The following H1-0 variants were observed in gnomAD, a reference collection of about 807,000 sequenced individuals.
H1-0 encodes histone H1.0.
In H1-0, 5 loss-of-function variants were observed where a neutral mutation model predicts 8.8. That is an observed-to-expected ratio of 0.57 (90% confidence interval 0.30 to 1.19). The LOEUF (loss-of-function observed/expected upper bound fraction) is 1.19, where lower values mean the gene tolerates loss of function less well. H1-0 is among the 50% of genes most tolerant of loss of function. The pLI is 0.08. For missense variants in H1-0, 231 were observed against 242.0 expected (o/e 0.95, Z 0.30); for synonymous variants, 143 against 101.4 (o/e 1.41, Z -2.46).
In H1-0 at chr22:37,806,207, A is replaced by C. The variant is rs1920991946; in HGVS notation, c.*78A>C. 9.0e-7 allele frequency: 1 copy of C among 1,114,814 alleles called. No individual in the cohort carries two copies. The highest frequency in any genetic ancestry group is 2.6e-5 in the Admixed American group (1 of 37,984). 69.1% of individuals were successfully genotyped at this position (1,114,814 alleles called of 1,614,324 possible). A position where few individuals can be genotyped will look rare whatever the true frequency, so the allele number is the denominator to read the frequency against. The stretch of plus-strand genomic sequence containing the variant: ...TAATTTTCTCCTTTTTTCTCTCTTG[A>C]TGCTCACCACCACCTTTTGCCCCCT... On this transcript the variant is annotated 3_prime_UTR_variant, in exon 1 of 1. Coordinates refer to ENST00000340857, the MANE Select transcript of H1-0 (RefSeq NM_005318.4).
rs761095181 is a variant in H1-0, at chr22:37,806,035, A to G, written c.491A>G (p.Lys164Arg). ...PKKAKKPKTV[K>R]AKPVKASKPK... is the part of the protein sequence containing the mutation. ...AAAGCCAAAAAACCCAAGACTGTCA[A>G]AGCCAAGCCGGTCAAGGCATCCAAG... The change falls in exon 1 of 1, where the codon AAA becomes AGA. Residue 164 changes from lysine to arginine, a missense_variant. Coordinates refer to ENST00000340857, the MANE Select transcript of H1-0 (RefSeq NM_005318.4). 11 of 1,614,016 alleles carry G rather than the reference A, an allele frequency of 6.8e-6. No individual in the cohort carries two copies. Among genetic ancestry groups the G allele is most frequent in the Non-Finnish European group, 9.3e-6 (11 of 1,180,020 alleles).
In H1-0 at chr22:37,806,314, A is replaced by AGGACAGCAACAACCAATCTAATGAT. The variant is rs1920995046; in HGVS notation, c.*187_*211dup. On this transcript the variant is annotated 3_prime_UTR_variant, in exon 1 of 1. Coordinates refer to ENST00000340857, the MANE Select transcript of H1-0 (RefSeq NM_005318.4). ...TCATTTTTCCTTAACCAGTTGTGCAAGGACAGCAACAACCAATCTAATGAT... is the reference window on the plus strand; with the variant it reads ...TCATTTTTCCTTAACCAGTTGTGCAAGGACAGCAACAACCAATCTAATGATGGACAGCAACAACCAATCTAATGAT... 3.3e-6 allele frequency: 2 copies of AGGACAGCAACAACCAATCTAATGAT among 613,396 alleles called. No individual in the cohort carries two copies. The highest frequency in any genetic ancestry group is 3.7e-5 in the African/African-American group (2 of 53,896). The allele number at this position is 613,396 out of a possible 1,614,324, so 38.0% of individuals were successfully genotyped here.
In H1-0 at chr22:37,806,380, C is replaced by G; in HGVS notation, c.*251C>G. The G allele has an allele frequency of 2.2e-6, 1 of 456,936 alleles. No individual in the cohort carries two copies. The allele number at this position is 456,936 out of a possible 1,614,324, so 28.3% of individuals were successfully genotyped here. On this transcript the variant is annotated 3_prime_UTR_variant, in exon 1 of 1. Transcript: ENST00000340857. ...TTTTGTTTTGCTATTAACCTACTTACGGGGTTAGGGATTTGCGGGGGGGGC... is the reference window on the plus strand; with the variant it reads ...TTTTGTTTTGCTATTAACCTACTTAGGGGGTTAGGGATTTGCGGGGGGGGC...
rs1894644 is a variant in H1-0, at chr22:37,806,545, T to C, written c.*416T>C. 0.85 allele frequency: 158,025 copies of C among 185,196 alleles called. 67,815 individuals are homozygous for C. The highest frequency in any genetic ancestry group is 0.99 in the East Asian group (5,806 of 5,842). The allele number at this position is 185,196 out of a possible 1,614,324, so 11.5% of individuals were successfully genotyped here. ...ATATCTTTAGGGTGAGTGAGTTTTC[T>C]TTGAGTTGGGCACCCGTTGTGAGAG... On this transcript the variant is annotated 3_prime_UTR_variant, in exon 1 of 1. Coordinates refer to ENST00000340857, the MANE Select transcript of H1-0 (RefSeq NM_005318.4).
chr22:37,806,259 A>G lies in H1-0; in HGVS notation c.*130A>G, dbSNP rs898541286. On this transcript the variant is annotated 3_prime_UTR_variant, in exon 1 of 1. Coordinates refer to ENST00000340857, the MANE Select transcript of H1-0 (RefSeq NM_005318.4). ...CTGTTCTGACTTTATAAGAGACAGG[A>G]TTTGGATTCTTCAGAAATTACAGAA... 5.7e-6 allele frequency: 4 copies of G among 703,990 alleles called. No homozygotes were observed. In the Admixed American group the frequency reaches 1.2e-4, roughly 21 times the overall value. The allele number at this position is 703,990 out of a possible 1,614,324, so 43.6% of individuals were successfully genotyped here. A position where few individuals can be genotyped will look rare whatever the true frequency, so the allele number is the denominator to read the frequency against.
chr22:37,806,086 C>G lies in H1-0; in HGVS notation c.542C>G (p.Pro181Arg). Residue 181 changes from proline to arginine, a missense_variant, in exon 1 of 1, where the codon CCC (proline) becomes CGC (arginine). Transcript: ENST00000340857. ...SKPKKAKPVK[P>R]KAKSSAKRAG... ...CCCAAAAAGGCCAAACCAGTGAAAC[C>G]CAAAGCAAAGTCCAGTGCCAAGAGG... 6.2e-7 allele frequency: 1 copy of G among 1,613,880 alleles called. No homozygotes were observed.
chr22:37,806,133 TGAA>T lies in H1-0; in HGVS notation c.*6_*8del. The T allele has an allele frequency of 6.3e-7, 1 of 1,597,792 alleles. No homozygotes were observed. Among genetic ancestry groups the T allele is most frequent in the African/African-American group, 1.4e-5 (1 of 73,992 alleles). On this transcript the variant is annotated 3_prime_UTR_variant, in exon 1 of 1. Transcript: ENST00000340857. ...GAGGGCCGGCAAGAAGAAGTGACAA[TGAA>T]GTCTTTTCTTGCGGACACTCCCTCC...
chr22:37,806,402 G>A lies in H1-0; in HGVS notation c.*273G>A, dbSNP rs564670907. 2.3e-6 allele frequency: 1 copy of A among 435,262 alleles called. No homozygotes were observed. 27.0% of individuals were successfully genotyped at this position (435,262 alleles called of 1,614,324 possible). ...TTACGGGGTTAGGGATTTGCGGGGG[G>A]GGCTTGTGTGTTTTGTTGGCTTGTT... On this transcript the variant is annotated 3_prime_UTR_variant, in exon 1 of 1. Transcript: ENST00000340857.
In H1-0 at chr22:37,805,416, G is replaced by GT. The variant is rs1478440550; in HGVS notation, c.-129_-128insT. On this transcript the variant is annotated 5_prime_UTR_variant, in exon 1 of 1. Coordinates refer to ENST00000340857, the MANE Select transcript of H1-0 (RefSeq NM_005318.4). The stretch of plus-strand genomic sequence containing the variant: ...CAGCGACTCCTCGCTCGCATCCCCG[G>GT]GAGCCGCACTCCAGACTGGCCCGGT... 2.2e-5 allele frequency: 14 copies of GT among 642,696 alleles called. No individual in the cohort carries two copies. Among genetic ancestry groups the GT allele is most frequent in the Non-Finnish European group, 3.7e-5 (14 of 376,976 alleles). The allele number at this position is 642,696 out of a possible 1,614,324, so 39.8% of individuals were successfully genotyped here.
Position 37,806,386 on chromosome 22 carries a change from T to C in H1-0, c.*257T>C, listed in dbSNP as rs1920996719. ...TTTGCTATTAACCTACTTACGGGGT[T>C]AGGGATTTGCGGGGGGGGCTTGTGT... is the stretch of plus-strand genomic sequence containing the variant. On this transcript the variant is annotated 3_prime_UTR_variant, in exon 1 of 1. Coordinates refer to ENST00000340857, the MANE Select transcript of H1-0 (RefSeq NM_005318.4). 2.3e-6 allele frequency: 1 copy of C among 439,758 alleles called. No individual in the cohort carries two copies. Among genetic ancestry groups the C allele is most frequent in the South Asian group, 2.9e-5 (1 of 34,410 alleles). 27.2% of individuals were successfully genotyped at this position (439,758 alleles called of 1,614,324 possible). A position where few individuals can be genotyped will look rare whatever the true frequency, so the allele number is the denominator to read the frequency against.
chr22:37,806,321 C>T lies in H1-0; in HGVS notation c.*192C>T. The T allele has an allele frequency of 1.7e-6, 1 of 604,286 alleles. No homozygotes were observed. The highest frequency in any genetic ancestry group is 2.2e-5 in the South Asian group (1 of 45,522). The allele number at this position is 604,286 out of a possible 1,614,324, so 37.4% of individuals were successfully genotyped here. A position where few individuals can be genotyped will look rare whatever the true frequency, so the allele number is the denominator to read the frequency against. ...TCCTTAACCAGTTGTGCAAGGACAG[C>T]AACAACCAATCTAATGATGAGAATG... On this transcript the variant is annotated 3_prime_UTR_variant, in exon 1 of 1. Coordinates refer to ENST00000340857, the MANE Select transcript of H1-0 (RefSeq NM_005318.4).
Position 37,805,667 on chromosome 22 carries a change from C to A in H1-0, c.123C>A (p.Asn41Lys). The A allele has an allele frequency of 6.2e-7, 1 of 1,614,114 alleles. No individual in the cohort carries two copies. Among genetic ancestry groups the A allele is most frequent in the Non-Finnish European group, 8.5e-7 (1 of 1,179,982 alleles). ...MIVAAIQAEK[N>K]RAGSSRQSIQ... ...TGGCTGCCATCCAGGCCGAGAAGAA[C>A]CGCGCTGGCTCCTCGCGCCAGTCCA... Residue 41 changes from asparagine to lysine, a missense_variant, in exon 1 of 1, where the codon AAC becomes AAA. Asn to Lys is a moderately conservative substitution (Grantham distance 94). Transcript: ENST00000340857.
At position 37,805,271 on chromosome 22, in the gene H1-0, GAGGC is replaced by G. The variant is rs1920974310; in HGVS notation, c.-271_-268del. On this transcript the variant is annotated 5_prime_UTR_variant, in exon 1 of 1. Coordinates refer to ENST00000340857, the MANE Select transcript of H1-0 (RefSeq NM_005318.4). ...AAGGGAGGCAGAGGAGGCGGAGGCA[GAGGC>G]AGAGGCAGAGGCAGAGCCCGAGCCC... 2 of 314,518 alleles carry G rather than the reference GAGGC, an allele frequency of 6.4e-6. No homozygotes were observed. The highest frequency in any genetic ancestry group is 1.0e-5 in the Non-Finnish European group (2 of 192,172). 19.5% of individuals were successfully genotyped at this position (314,518 alleles called of 1,614,324 possible). A position where few individuals can be genotyped will look rare whatever the true frequency, so the allele number is the denominator to read the frequency against.
Position 37,805,947 on chromosome 22 carries a change from A to G in H1-0, c.403A>G (p.Thr135Ala), listed in dbSNP as rs568889356. ...KPKKAASKAP[T>A]KKPKATPVKK... ...CAAGAAGGCTGCCTCCAAAGCCCCA[A>G]CCAAGAAACCCAAAGCCACCCCGGT... Residue 135 changes from threonine (T) to alanine (A), a missense_variant, in exon 1 of 1, where the codon ACC (threonine) becomes GCC (alanine). Physicochemically the swap from Thr to Ala is moderately conservative, Grantham distance 58. Coordinates refer to ENST00000340857, the MANE Select transcript of H1-0 (RefSeq NM_005318.4). 126 of 1,614,102 alleles carry G rather than the reference A, an allele frequency of 7.8e-5. 1 individual carries two copies. In the South Asian group the frequency reaches 1.2e-3, roughly 15 times the overall value.
chr22:37,805,309 G>A lies in H1-0; in HGVS notation c.-236G>A, dbSNP rs1444149892. On this transcript the variant is annotated 5_prime_UTR_variant, in exon 1 of 1. Transcript: ENST00000340857. ...AGGCAGAGCCCGAGCCCGGTGCCGA[G>A]ACCAAGCGACAGACCGGCGGGGCTG... 9.5e-6 allele frequency: 5 copies of A among 524,986 alleles called. No individual in the cohort carries two copies. Among genetic ancestry groups the A allele is most frequent in the Admixed American group, 7.1e-5 (2 of 28,092 alleles). The allele number at this position is 524,986 out of a possible 1,614,324, so 32.5% of individuals were successfully genotyped here.
rs1014745692 is a variant in H1-0, at chr22:37,805,740, T to C, written c.196T>C (p.Ser66Pro). Reference sequence around the variant, plus strand: ...CTACAAGGTGGGTGAGAACGCTGACTCGCAGATCAAGTTGTCCATCAAGCG... The same window carrying C: ...CTACAAGGTGGGTGAGAACGCTGACCCGCAGATCAAGTTGTCCATCAAGCG... ...SHYKVGENAD[S>P]QIKLSIKRLV... Residue 66 changes from serine to proline, a missense_variant, in exon 1 of 1, where the codon TCG (serine) becomes CCG (proline). Physicochemically the swap from Ser to Pro is moderately conservative, Grantham distance 74. Transcript: ENST00000340857. The C allele has an allele frequency of 6.2e-7, 1 of 1,614,058 alleles. No homozygotes were observed. Among genetic ancestry groups the C allele is most frequent in the Non-Finnish European group, 8.5e-7 (1 of 1,180,014 alleles).
chr22:37,807,221 T>C lies in H1-0; in HGVS notation c.*1092T>C, dbSNP rs1203707957. The C allele has an allele frequency of 1.8e-5, 3 of 167,068 alleles. No homozygotes were observed. The highest frequency in any genetic ancestry group is 2.4e-5 in the African/African-American group (1 of 41,434). 10.3% of individuals were successfully genotyped at this position (167,068 alleles called of 1,614,324 possible). ...GTGCATGTGTGTGTTTGTGTATATA[T>C]ACATATCTAGGGCTAGTACTTAGTT... On this transcript the variant is annotated 3_prime_UTR_variant, in exon 1 of 1. Coordinates refer to ENST00000340857, the MANE Select transcript of H1-0 (RefSeq NM_005318.4).
rs542531405 is a variant in H1-0, at chr22:37,805,658, C to G, written c.114C>G (p.Ala38=). The G allele has an allele frequency of 6.2e-7, 1 of 1,613,912 alleles. No individual in the cohort carries two copies. Among genetic ancestry groups the G allele is most frequent in the Non-Finnish European group, 8.5e-7 (1 of 1,179,956 alleles). Reference sequence around the variant, plus strand: ...ACATGATCGTGGCTGCCATCCAGGCCGAGAAGAACCGCGCTGGCTCCTCGC... The same window carrying G: ...ACATGATCGTGGCTGCCATCCAGGCGGAGAAGAACCGCGCTGGCTCCTCGC... ...YSDMIVAAIQ[A]EKNRAGSSRQ... is the part of the protein sequence containing the mutation. The change falls in exon 1 of 1, where the codon GCC becomes GCG. Residue 38 remains alanine, a synonymous_variant. Transcript: ENST00000340857.
chr22:37,805,466 C>G lies in H1-0; in HGVS notation c.-79C>G. 3 of 1,068,428 alleles carry G rather than the reference C, an allele frequency of 2.8e-6. No individual in the cohort carries two copies. Among genetic ancestry groups the G allele is most frequent in the Non-Finnish European group, 4.1e-6 (3 of 726,196 alleles). 66.2% of individuals were successfully genotyped at this position (1,068,428 alleles called of 1,614,324 possible). A position where few individuals can be genotyped will look rare whatever the true frequency, so the allele number is the denominator to read the frequency against. ...TAGTCAGGGGCTCAGGAGCAGATCC[C>G]GAGGCAGGCTTTGCTCAGCCTCCGA... is the stretch of plus-strand genomic sequence containing the variant. On this transcript the variant is annotated 5_prime_UTR_variant, in exon 1 of 1. Transcript: ENST00000340857.
Sources: gnomAD v4.1 joint callset for allele counts on GRCh38, gnomAD v4.1.1 for gene constraint, MANE v1.5 for transcripts, NCBI Gene and HGNC (gene_info 2026-07-23, HGNC 2026-07-21) for gene names.